The following GLIS3 variants were observed in gnomAD, a reference collection of about 807,000 sequenced individuals.
GLIS3 encodes the protein zinc finger protein GLIS3.
A neutral mutation model predicts 78.6 loss-of-function variants in GLIS3; 53 were observed. That is an observed-to-expected ratio of 0.67 (90% CI 0.54 to 0.85). The LOEUF is 0.85. Among genes scored for constraint, GLIS3 ranks in the 40% least tolerant of loss-of-function variants. The pLI, the probability that GLIS3 is intolerant of heterozygous loss-of-function variation, is 0.00. For synonymous variants in GLIS3, 684 were observed against 509.9 expected, an observed-to-expected ratio of 1.34 and a Z score of -4.60; for missense variants, 1,703 against 1,231.1, an observed-to-expected ratio of 1.38 and a Z score of -5.74.
intron 2 of GLIS3, among the ~76,000 whole-genome samples, chr9:4,183,755 A>C (rs756613219): frequency 2.0e-5 from 3 of 152,228 alleles, no homozygotes; most frequent in Non-Finnish European, 4.4e-5. Flanking sequence ...ACAACTGATT[A>C]AAGAGTTCTT....
At chr9:3,840,724 A>G (rs1030550034) in intron 9 of GLIS3, among the ~76,000 whole-genome samples, 2 of 152,206 alleles carry the variant, frequency 1.3e-5, no homozygotes, top group Non-Finnish European at 2.9e-5. Flanking sequence ...GGGTCGTAGC[A>G]TGAAGGCTTC....
intron 1 of GLIS3, chr9:4,298,605 C>T (rs924528652): frequency 2.9e-5 from 7 of 240,108 alleles, no homozygotes; most frequent in Admixed American, 1.6e-4. Flanking sequence ...TTTATAGGGA[C>T]TGGAGCCGCG....
At chr9:3,984,007 G>C (rs1047814679) in intron 4 of GLIS3, among the ~76,000 whole-genome samples, 1 of 152,260 alleles carries the variant, frequency 6.6e-6, no homozygotes, top group Non-Finnish European at 1.5e-5. Context: ...CTTCATGGCA[G>C]CTTCTCCTAT....
chr9:4,173,740 G>C (rs907228922), intron 2 of GLIS3, among the ~76,000 whole-genome samples: 1 of 152,044 alleles, frequency 6.6e-6, no homozygotes, highest in Non-Finnish European at 1.5e-5. Flanking sequence ...GGAACTACAG[G>C]CATGTGCCAC....
the GLIS3 span, among the ~76,000 whole-genome samples, chr9:4,467,231 C>CA: frequency 4.6e-5 from 7 of 152,166 alleles, no homozygotes; most frequent in Admixed American, 3.9e-4. Context: ...CAAAAGGTAG[C>CA]AAAAACTTCT....
At chr9:4,240,610 T>A (rs571340624) in intron 2 of GLIS3, among the ~76,000 whole-genome samples, 2 of 152,258 alleles carry the variant, frequency 1.3e-5, no homozygotes, top group South Asian at 2.1e-4. Flanking sequence ...ATAATCAATA[T>A]AAATTAGCCT....
intron 8 of GLIS3, among the ~76,000 whole-genome samples, chr9:3,859,170 T>C (rs918906824): frequency 3.9e-5 from 6 of 152,128 alleles, no homozygotes; most frequent in African/African-American, 7.2e-5. Context: ...CTCAACAAGC[T>C]AACAAGTAGT....
At chr9:4,314,913 G>A (rs151169055) in intron 2 of GLIS3, among the ~76,000 whole-genome samples, 8 of 152,334 alleles carry the variant, frequency 5.3e-5, no homozygotes, top group East Asian at 1.9e-4. Context: ...GGGATGAATA[G>A]TGCTGGAACT....
chr9:4,397,723 AGG>A, the GLIS3 span, among the ~76,000 whole-genome samples: 33 of 22,752 alleles, frequency 1.5e-3, no homozygotes, highest in African/African-American at 3.6e-3. Context: ...GGAGGGAGGG[AGG>A]GAGGGAGGAA....
At chr9:3,947,381 C>T (rs1400377967) in intron 4 of GLIS3, among the ~76,000 whole-genome samples, 1 of 152,174 alleles carries the variant, frequency 6.6e-6, no homozygotes, top group East Asian at 1.9e-4. Flanking sequence ...AGAATGTATG[C>T]TAACATACAT....
At chr9:4,392,957 ATTGGATC>A in the GLIS3 span, among the ~76,000 whole-genome samples, 1 of 151,032 alleles carries the variant, frequency 6.6e-6, no homozygotes, top group Non-Finnish European at 1.5e-5. Flanking sequence ...TTCCCCACAT[ATTGGATC>A]TTAACTTGTT....
chr9:4,333,967 T>C (rs564511274), intron 2 of GLIS3, among the ~76,000 whole-genome samples: 3 of 152,318 alleles, frequency 2.0e-5, no homozygotes, highest in Admixed American at 6.5e-5. Context: ...TCTGATGACC[T>C]CTGCAGGAGA....
chr9:4,216,464 A>G (rs1820850600), intron 2 of GLIS3, among the ~76,000 whole-genome samples: 1 of 147,832 alleles, frequency 6.8e-6, no homozygotes, highest in Non-Finnish European at 1.5e-5. Flanking sequence ...TGGGTGACAG[A>G]GCGAGACTCT....
intron 2 of GLIS3, among the ~76,000 whole-genome samples, chr9:4,207,641 G>T (rs1043386407): frequency 6.6e-6 from 1 of 152,132 alleles, no homozygotes; most frequent in African/African-American, 2.4e-5. Flanking sequence ...TACTATGTGT[G>T]ACATAAGCAT....
intron 4 of GLIS3, among the ~76,000 whole-genome samples, chr9:4,102,443 T>C (rs10814841): frequency 0.66 from 99,896 of 152,076 alleles, 36,496 homozygotes; most frequent in East Asian, 0.96. Flanking sequence ...TTCCTGTCAC[T>C]CAGTGTTTCT....
chr9:4,085,285 C>G (rs1341131563), intron 4 of GLIS3, among the ~76,000 whole-genome samples: 1 of 151,912 alleles, frequency 6.6e-6, no homozygotes, highest in Admixed American at 6.6e-5. Flanking sequence ...AATCTTTCCT[C>G]CATTTAAGCA....
In GLIS3 at chr9:3,982,607, G is replaced by A. The variant is rs117111910; in HGVS notation, c.1711-45418C>T. On this transcript the variant is annotated intron_variant, in intron 4 of 10. Transcript: ENST00000381971. Reference sequence around the variant, plus strand: ...AAAAATTTGCTATATATTTAATATCGAAATAAGTGAAAACTAATACATTTA... The same window carrying A: ...AAAAATTTGCTATATATTTAATATCAAAATAAGTGAAAACTAATACATTTA... Among the ~76,000 whole-genome samples, 22 of 152,198 alleles carry A rather than the reference G, an allele frequency of 1.4e-4. No individual in the cohort carries two copies. In the East Asian group the frequency reaches 2.7e-3, roughly 19 times the overall value.
At chr9:4,376,097 A>T in the GLIS3 span, among the ~76,000 whole-genome samples, 1 of 152,226 alleles carries the variant, frequency 6.6e-6, no homozygotes, top group Middle Eastern at 3.4e-3. Flanking sequence ...CGTTCAGAAC[A>T]GTTGGGTTAG....
intron 8 of GLIS3, among the ~76,000 whole-genome samples, chr9:3,866,172 C>CTG (rs1184680894): frequency 1.3e-5 from 2 of 152,210 alleles, no homozygotes; most frequent in African/African-American, 2.4e-5. Context: ...CCTATCAGCA[C>CTG]TGAGAGGTAA....
Sources: allele counts gnomAD v4.1 joint callset (sites outside exome capture counted in the v4.1 genomes callset), GRCh38; gene constraint gnomAD v4.1.1; transcripts MANE v1.5; gene names NCBI Gene and HGNC (gene_info 2026-07-23, HGNC 2026-07-21).